Variants in SLC44A5 observed in about 807,000 individuals in gnomAD.
SLC44A5 encodes choline transporter-like protein 5.
A neutral mutation model predicts 101.8 loss-of-function variants in SLC44A5; 57 were observed. The ratio of observed to expected loss-of-function variants is 0.56; its 90% CI spans 0.45 to 0.70. The LOEUF (loss-of-function observed/expected upper bound fraction) is 0.70, where lower values mean the gene tolerates loss of function less well. SLC44A5 is among the 30% of genes least tolerant of loss of function. The probability of loss-of-function intolerance (pLI) is 0.00; values close to 1 mark genes in which losing one functional copy is unlikely to be tolerated. For synonymous variants in SLC44A5, 281 were observed against 290.9 expected (o/e 0.97, Z 0.35); for missense variants, 737 against 853.1 (o/e 0.86, Z 1.70).
chr1:75,402,453 A>C (rs1337131504), intron 2 of SLC44A5: 11 of 400,562 alleles, frequency 2.7e-5, no homozygotes, highest in Admixed American at 1.0e-4. Context: ...TCAACGCAGA[A>C]GGCAGGTGAT....
At chr1:75,397,706 C>CT (rs1355149103) in intron 2 of SLC44A5, among the ~76,000 whole-genome samples, 1 of 152,108 alleles carries the variant, frequency 6.6e-6, no homozygotes. Flanking sequence ...GCAACGTGAA[C>CT]TTTTGGGTCT....
intron 12 of SLC44A5, 95 bp downstream of exon 12, chr1:75,233,891 C>T: frequency 1.2e-6 from 1 of 866,158 alleles, no homozygotes; most frequent in Admixed American, 2.4e-5. Flanking sequence ...TAATTAGATC[C>T]ACTGAAAACA....
chr1:75,279,748 G>C (rs1652242230), intron 5 of SLC44A5, among the ~76,000 whole-genome samples: 1 of 138,684 alleles, frequency 7.2e-6, no homozygotes, highest in South Asian at 2.4e-4. Context: ...TTGTATGTAT[G>C]TATACATGTA....
chr1:75,581,100 A>G (rs1353584515), intron 1 of SLC44A5, among the ~76,000 whole-genome samples: 1 of 152,202 alleles, frequency 6.6e-6, no homozygotes, highest in African/African-American at 2.4e-5. Flanking sequence ...TGTCCATTTA[A>G]AAGGCAGACA....
chr1:75,567,049 C>T (rs780091031), intron 1 of SLC44A5, among the ~76,000 whole-genome samples: 18 of 152,142 alleles, frequency 1.2e-4, no homozygotes, highest in Non-Finnish European at 2.2e-4. Flanking sequence ...TGGATAGCAA[C>T]GTTGACTAGA....
chr1:75,270,632 A>G (rs1651390998), intron 6 of SLC44A5, among the ~76,000 whole-genome samples: 1 of 152,132 alleles, frequency 6.6e-6, no homozygotes, highest in Non-Finnish European at 1.5e-5. Context: ...CCCAGACCCC[A>G]GAAACTGTAA....
At chr1:75,571,099 C>T (rs1473627933) in intron 1 of SLC44A5, among the ~76,000 whole-genome samples, 2 of 152,240 alleles carry the variant, frequency 1.3e-5, no homozygotes, top group African/African-American at 4.8e-5. Flanking sequence ...CGCTAATAAT[C>T]CAGAGGATTT....
chr1:75,628,584 CTTCCCATA>C, the SLC44A5 span, among the ~76,000 whole-genome samples: 23 of 152,208 alleles, frequency 1.5e-4, no homozygotes, highest in African/African-American at 5.5e-4. Flanking sequence ...TAAAAATATC[CTTCCCATA>C]TAACTTAATT....
chr1:75,699,359 A>C, the SLC44A5 span, among the ~76,000 whole-genome samples: 8 of 152,192 alleles, frequency 5.3e-5, no homozygotes, highest in Non-Finnish European at 1.0e-4. Flanking sequence ...AACATTCGTA[A>C]AGAAAAGAAT....
At chr1:75,336,346 G>T (rs1428657103) in intron 4 of SLC44A5, among the ~76,000 whole-genome samples, 1 of 151,982 alleles carries the variant, frequency 6.6e-6, no homozygotes, top group African/African-American at 2.4e-5. Flanking sequence ...TGGAGACGGG[G>T]TTTCACCATG....
At chr1:75,425,940 C>T (rs528828382) in intron 2 of SLC44A5, among the ~76,000 whole-genome samples, 11 of 152,282 alleles carry the variant, frequency 7.2e-5, no homozygotes, top group East Asian at 1.9e-4. Flanking sequence ...CATTTTAAAA[C>T]GCTTTTTCTT....
intron 13 of SLC44A5, among the ~76,000 whole-genome samples, chr1:75,226,022 C>T (rs17096455): frequency 0.012 from 1,765 of 152,130 alleles, 42 homozygotes; most frequent in African/African-American, 0.041. Flanking sequence ...CAACAGTAAG[C>T]AGGTTGCTGA....
chr1:75,654,418 T>C, the SLC44A5 span, among the ~76,000 whole-genome samples: 7 of 152,182 alleles, frequency 4.6e-5, no homozygotes, highest in Admixed American at 2.6e-4. Flanking sequence ...ATATGCTCAA[T>C]TGATGCATGT....
chr1:75,698,440 G>A, the SLC44A5 span, among the ~76,000 whole-genome samples: 2 of 152,146 alleles, frequency 1.3e-5, no homozygotes, highest in Non-Finnish European at 2.9e-5. Context: ...GCAACTGAGG[G>A]TCCTGTCTGT....
At chr1:75,330,128 C>T (rs12071259) in intron 4 of SLC44A5, among the ~76,000 whole-genome samples, 47,303 of 144,302 alleles carry the variant, frequency 0.33, 8,821 homozygotes, top group East Asian at 0.82. Context: ...CACACACACA[C>T]ACACACACAC....
intron 2 of SLC44A5, among the ~76,000 whole-genome samples, chr1:75,421,034 AC>A (rs1663970905): frequency 6.6e-6 from 1 of 152,062 alleles, no homozygotes; most frequent in African/African-American, 2.4e-5. Context: ...TAATATAACT[AC>A]TGTTTCAGAG....
At chr1:75,444,741 G>A (rs925111025) in intron 2 of SLC44A5, among the ~76,000 whole-genome samples, 1 of 152,002 alleles carries the variant, frequency 6.6e-6, no homozygotes, top group East Asian at 1.9e-4. Flanking sequence ...ATAAGGGGAG[G>A]GTTCCATCCT....
rs1179920813 is a variant in SLC44A5 at position 75,592,315 on chromosome 1, A to G, written c.-70+18725T>C. Among the ~76,000 whole-genome samples the G allele has an allele frequency of 3.3e-5, 5 of 152,098 alleles. No individual in the cohort carries two copies. The East Asian group carries it at 9.6e-4, about 29-fold the overall frequency. Reference sequence around the variant, plus strand: ...TAAATACTTAGGATTTAACCAAAGAAATGTAAGATCTCTAAAATTAAAACT... The same window carrying G: ...TAAATACTTAGGATTTAACCAAAGAGATGTAAGATCTCTAAAATTAAAACT... On this transcript the variant is annotated intron_variant, in intron 1 of 23. Transcript: ENST00000370859.
Position 75,350,770 on chromosome 1 carries a change from T to C in SLC44A5, c.53-11140A>G, listed in dbSNP as rs191356587. 5.8e-3 allele frequency among the ~76,000 whole-genome samples: 881 copies of C among 151,434 alleles called. 16 individuals are homozygous for C. The highest frequency in any genetic ancestry group is 0.021 in the African/African-American group (848 of 41,270). On this transcript the variant is annotated intron_variant, in intron 3 of 23. Coordinates refer to ENST00000370859, the MANE Select transcript of SLC44A5 (RefSeq NM_001130058.2). ...TGAGCCAGGCATGGTAGCATGCACCTGTAATCCCAGCTACTTGGGAGGCTG... is the reference window on the plus strand; with the variant it reads ...TGAGCCAGGCATGGTAGCATGCACCCGTAATCCCAGCTACTTGGGAGGCTG...
Sources: gnomAD v4.1 joint callset for allele counts (sites outside exome capture counted in the v4.1 genomes callset) on GRCh38, gnomAD v4.1.1 for gene constraint, MANE v1.5 for transcripts, NCBI Gene and HGNC (gene_info 2026-07-23, HGNC 2026-07-21) for gene names.